ARHGAP32: variants seen among roughly 807,000 people sequenced by gnomAD.
The protein encoded by ARHGAP32 is rho GTPase-activating protein 32.
ARHGAP32 carries 51 observed loss-of-function variants against 186.5 expected under a neutral mutation model. That is an observed-to-expected ratio of 0.27 (90% CI 0.22 to 0.35). The LOEUF is 0.35. ARHGAP32 is among the 10% of genes least tolerant of loss of function. ARHGAP32 has a pLI of 1.00. For missense variants in ARHGAP32, 2,186 were observed against 2,623.5 expected, an observed-to-expected ratio of 0.83 and a Z score of 3.64; for synonymous variants, 950 against 964.3, an observed-to-expected ratio of 0.99 and a Z score of 0.27.
At chr11:129,036,977 T>TA (rs1240916526) in intron 11 of ARHGAP32, among the ~76,000 whole-genome samples, 6 of 152,206 alleles carry the variant, frequency 3.9e-5, no homozygotes, top group Admixed American at 3.9e-4. Context: ...AGGAATCCAC[T>TA]ATGAAACTAT....
chr11:129,130,101 A>T (rs1169435435), intron 2 of ARHGAP32, among the ~76,000 whole-genome samples: 1 of 152,206 alleles, frequency 6.6e-6, no homozygotes, highest in Non-Finnish European at 1.5e-5. Context: ...CTTATTATAA[A>T]GCAATACTAA....
intron 1 of ARHGAP32, among the ~76,000 whole-genome samples, chr11:129,202,439 C>CA (rs1454488759): frequency 6.6e-6 from 1 of 151,190 alleles, no homozygotes; most frequent in Non-Finnish European, 1.5e-5. Context: ...AATATAAGTT[C>CA]AAAAATAAAT....
rs530888703 is a variant in ARHGAP32 at position 129,097,683 on chromosome 11, A to C, written c.445-3976T>G. Among the ~76,000 whole-genome samples, 14 of 152,308 alleles carry C rather than the reference A, an allele frequency of 9.2e-5. 1 individual carries two copies. The South Asian group carries it at 2.7e-3, about 29-fold the overall frequency. On this transcript the variant is annotated intron_variant, in intron 5 of 22. Coordinates refer to ENST00000682385, the MANE Select transcript of ARHGAP32 (RefSeq NM_001378024.1). ...CCTAAGGGACCCATGGGACACCCTC[A>C]AGCAAACCAACATACACATGTAGGA...
chr11:129,271,105 G>C (rs879653308), intron 1 of ARHGAP32, among the ~76,000 whole-genome samples: 9 of 152,186 alleles, frequency 5.9e-5, no homozygotes, highest in Non-Finnish European at 1.2e-4. Context: ...TTAGCATTAA[G>C]TATATTGGAA....
At chr11:129,157,597 T>G (rs961767431) in intron 2 of ARHGAP32, among the ~76,000 whole-genome samples, 4 of 151,988 alleles carry the variant, frequency 2.6e-5, no homozygotes, top group African/African-American at 9.7e-5. Context: ...ACCAAATCTA[T>G]CTTTGGCTGG....
chr11:129,198,226 G>A (rs1944418087), intron 1 of ARHGAP32, among the ~76,000 whole-genome samples: 1 of 152,090 alleles, frequency 6.6e-6, no homozygotes, highest in Non-Finnish European at 1.5e-5. Flanking sequence ...AAGGATATAT[G>A]AATAAAAATC....
intron 1 of ARHGAP32, among the ~76,000 whole-genome samples, chr11:129,278,484 T>C (rs1371813308): frequency 1.3e-5 from 2 of 152,168 alleles, no homozygotes; most frequent in African/African-American, 4.8e-5. Flanking sequence ...CTCCCTACCG[T>C]TTCTTGTGTA....
intron 6 of ARHGAP32, among the ~76,000 whole-genome samples, chr11:129,092,241 A>T (rs955751494): frequency 2.6e-5 from 4 of 151,518 alleles, no homozygotes; most frequent in African/African-American, 7.3e-5. Flanking sequence ...ATTTTTTTTT[A>T]TTTTTTTCAT....
chr11:129,065,374 T>C (rs370516347), intron 7 of ARHGAP32, among the ~76,000 whole-genome samples: 1 of 152,022 alleles, frequency 6.6e-6, no homozygotes, highest in Non-Finnish European at 1.5e-5. Flanking sequence ...GTTCAGCCGA[T>C]TGGTCCAGGA....
chr11:128,979,075 T>C (rs1238547271), intron 18 of ARHGAP32, among the ~76,000 whole-genome samples, 160 bp from the exon 19 acceptor site: 1 of 152,122 alleles, frequency 6.6e-6, no homozygotes, highest in Non-Finnish European at 1.5e-5. Flanking sequence ...CTCTACACAG[T>C]GCAGCCAAAG....
At chr11:129,093,080 A>T (rs1298609003) in intron 6 of ARHGAP32, among the ~76,000 whole-genome samples, 1 of 152,064 alleles carries the variant, frequency 6.6e-6, no homozygotes, top group Non-Finnish European at 1.5e-5. Flanking sequence ...CAAGCTACAA[A>T]AACATGCACA....
chr11:128,971,246 CT>C (rs1327267362), intron 22 of ARHGAP32, 87 bp from the exon 23 acceptor site: 2 of 1,218,884 alleles, frequency 1.6e-6, no homozygotes, highest in African/African-American at 3.0e-5. Flanking sequence ...CAAATTAAGG[CT>C]GGTTGGGTAG....
intron 10 of ARHGAP32, among the ~76,000 whole-genome samples, chr11:129,042,848 C>T (rs781741278): frequency 6.6e-6 from 1 of 152,120 alleles, no homozygotes; most frequent in Non-Finnish European, 1.5e-5. Context: ...GCTCTGGAGA[C>T]TCTCATGAAG....
chr11:129,093,450 C>A (rs1941637892), intron 6 of ARHGAP32, among the ~76,000 whole-genome samples, 171 bp downstream of exon 6: 1 of 151,974 alleles, frequency 6.6e-6, no homozygotes, highest in African/African-American at 2.4e-5. Flanking sequence ...TAAAATAATA[C>A]CATTTATTTT....
intron 7 of ARHGAP32, 21 bp downstream of exon 7, chr11:129,066,710 C>A (rs764749924): frequency 1.2e-6 from 2 of 1,608,442 alleles, no homozygotes; most frequent in Non-Finnish European, 1.7e-6. Flanking sequence ...TACCTCTGTA[C>A]TAAATGTACT....
intron 5 of ARHGAP32, among the ~76,000 whole-genome samples, chr11:129,113,265 T>C (rs1329533191): frequency 6.6e-6 from 1 of 152,116 alleles, no homozygotes; most frequent in African/African-American, 2.4e-5. Context: ...CACACAGTGT[T>C]TTAAGTGGAT....
intron 1 of ARHGAP32, among the ~76,000 whole-genome samples, chr11:129,201,312 T>A (rs1056923182): frequency 5.3e-5 from 8 of 152,188 alleles, no homozygotes. Flanking sequence ...TATGTAATGT[T>A]TATCGATGTA....
At chr11:129,086,047 AC>A (rs1012047540) in intron 6 of ARHGAP32, among the ~76,000 whole-genome samples, 1 of 151,966 alleles carries the variant, frequency 6.6e-6, no homozygotes, top group African/African-American at 2.4e-5. Flanking sequence ...AAGAAGCCAT[AC>A]TAATCAAGAC....
At chr11:129,201,956 C>G (rs1450023345) in intron 1 of ARHGAP32, among the ~76,000 whole-genome samples, 2 of 152,092 alleles carry the variant, frequency 1.3e-5, no homozygotes, top group African/African-American at 2.4e-5. Context: ...GCACTCCAGC[C>G]TGGGCAACAG....
Sources: allele counts gnomAD v4.1 joint callset (sites outside exome capture counted in the v4.1 genomes callset), GRCh38; gene constraint gnomAD v4.1.1; transcripts MANE v1.5; gene names NCBI Gene and HGNC (gene_info 2026-07-23, HGNC 2026-07-21).